Variants in PPIL6 observed in about 807,000 individuals in gnomAD.
PPIL6 encodes the protein peptidylprolyl isomerase like 6.
In PPIL6, 39 loss-of-function variants were observed where a neutral mutation model predicts 36.8. The ratio of observed to expected loss-of-function variants is 1.06; its 90% CI spans 0.82 to 1.38. PPIL6 has a LOEUF of 1.38. Among genes scored for constraint, PPIL6 ranks in the 40% most tolerant of loss-of-function variants. PPIL6 has a pLI of 0.00. For missense variants in PPIL6, 368 were observed against 379.1 expected (o/e 0.97, Z 0.24); for synonymous variants, 123 against 134.1 (o/e 0.92, Z 0.57).
At chr6:109,435,383 C>T (rs552531267) in intron 2 of PPIL6, among the ~76,000 whole-genome samples, 163 of 151,372 alleles carry the variant, frequency 1.1e-3, no homozygotes, top group Non-Finnish European at 2.1e-3. Context: ...CTGCAACCTC[C>T]GACTTCTTGG....
chr6:109,402,461 A>G (rs192938498), intron 6 of PPIL6, among the ~76,000 whole-genome samples: 151 of 152,172 alleles, frequency 9.9e-4, no homozygotes, highest in Middle Eastern at 6.8e-3. Flanking sequence ...GCTTGAACCC[A>G]GGAGGCGGAG....
chr6:109,411,910 A>G (rs1684139392), intron 6 of PPIL6, among the ~76,000 whole-genome samples: 1 of 152,176 alleles, frequency 6.6e-6, no homozygotes, highest in Non-Finnish European at 1.5e-5. Flanking sequence ...AGCCCTCTTA[A>G]TATTAAGGAG....
At chr6:109,440,185 T>C in intron 1 of PPIL6, 2 of 544,170 alleles carry the variant, frequency 3.7e-6, no homozygotes, top group South Asian at 1.5e-5. Flanking sequence ...GATTACCTTA[T>C]CTCCCAGCGC....
intron 6 of PPIL6, among the ~76,000 whole-genome samples, chr6:109,417,935 G>A (rs894644578): frequency 2.6e-5 from 4 of 152,002 alleles, no homozygotes; most frequent in Non-Finnish European, 5.9e-5. Context: ...GTTTCCTATG[G>A]CACATATATG....
At chr6:109,397,277 A>T (rs1772339117) in intron 7 of PPIL6, among the ~76,000 whole-genome samples, 1 of 151,676 alleles carries the variant, frequency 6.6e-6, no homozygotes, top group Non-Finnish European at 1.5e-5. Context: ...AAAATTAGAG[A>T]TTTCTCCAAG....
chr6:109,406,387 A>G (rs1772800185), intron 6 of PPIL6, among the ~76,000 whole-genome samples: 1 of 152,084 alleles, frequency 6.6e-6, no homozygotes, highest in African/African-American at 2.4e-5. Context: ...CATATGTCGC[A>G]ATACAACAGA....
intron 1 of PPIL6, 36 bp downstream of exon 1, chr6:109,440,420 G>A: frequency 1.3e-6 from 2 of 1,533,964 alleles, no homozygotes; most frequent in Non-Finnish European, 8.8e-7. Context: ...GGGTAGCGGG[G>A]AGGGCCGCCC....
intron 6 of PPIL6, among the ~76,000 whole-genome samples, chr6:109,402,392 T>A (rs1582532425): frequency 6.6e-6 from 1 of 152,174 alleles, no homozygotes; most frequent in South Asian, 2.1e-4. Flanking sequence ...AAAAATTAGC[T>A]GGGTGTGGTG....
chr6:109,425,555 C>T (rs939330782), intron 5 of PPIL6, among the ~76,000 whole-genome samples: 1 of 152,050 alleles, frequency 6.6e-6, no homozygotes, highest in Admixed American at 6.6e-5. Flanking sequence ...TCAAGGCCAG[C>T]CTGGCCAACA....
intron 5 of PPIL6, among the ~76,000 whole-genome samples, chr6:109,420,618 C>T (rs900488751): frequency 5.9e-5 from 9 of 152,148 alleles, no homozygotes; most frequent in East Asian, 1.9e-4. Flanking sequence ...GTGAAAAGAG[C>T]GGGCTCTGAG....
At chr6:109,441,171 G>A (rs779974923), upstream of PPIL6, 8 of 1,613,974 alleles carry the variant, frequency 5.0e-6, no homozygotes, top group South Asian at 8.8e-5. Flanking sequence ...CTCAACTGCT[G>A]GTGAGTGCGT....
chr6:109,437,080 T>C (rs1479017046), intron 1 of PPIL6, among the ~76,000 whole-genome samples: 1 of 152,266 alleles, frequency 6.6e-6, no homozygotes, highest in Non-Finnish European at 1.5e-5. Flanking sequence ...AGATACGGAA[T>C]ATGTTCTAGT....
intron 1 of PPIL6, among the ~76,000 whole-genome samples, chr6:109,439,926 G>T (rs1774707004): frequency 6.6e-6 from 1 of 152,122 alleles, no homozygotes; most frequent in African/African-American, 2.4e-5. Flanking sequence ...TGTTTACAAA[G>T]AAATGATTTT....
At position 109,400,100 on chromosome 6, in the gene PPIL6, G is replaced by C; in HGVS notation, c.759C>G (p.Asn253Lys). ...GCAGTGTGATATAGAATTGTGACCC[G>C]TTGCTGTGACGGCCTTTGTTGGCCA... ...LGMANKGRHS[N>K]GSQFYITLQA... The change falls in exon 7 of 8, where the codon AAC becomes AAG. Residue 253 changes from asparagine (N) to lysine (K), a missense_variant. Transcript: ENST00000521072. The C allele has an allele frequency of 6.2e-7, 1 of 1,613,646 alleles. No individual in the cohort carries two copies. The highest frequency in any genetic ancestry group is 8.5e-7 in the Non-Finnish European group (1 of 1,179,704).
intron 6 of PPIL6, among the ~76,000 whole-genome samples, chr6:109,412,009 A>C (rs546983892): frequency 6.6e-6 from 1 of 152,098 alleles, no homozygotes; most frequent in African/African-American, 2.4e-5. Context: ...AGAGGTGGGG[A>C]TCAGATTGAG....
chr6:109,416,251 G>A (rs1201878846), intron 6 of PPIL6, among the ~76,000 whole-genome samples: 1 of 141,228 alleles, frequency 7.1e-6, no homozygotes, highest in Non-Finnish European at 1.5e-5. Context: ...CTCCTAGGCT[G>A]GAGTGCAGTG....
chr6:109,429,976 C>T (rs1301377185), intron 3 of PPIL6, among the ~76,000 whole-genome samples: 1 of 152,216 alleles, frequency 6.6e-6, no homozygotes, highest in Non-Finnish European at 1.5e-5. Context: ...CCCTGCCATT[C>T]CCAGGGCATG....
intron 6 of PPIL6, among the ~76,000 whole-genome samples, chr6:109,401,870 C>T (rs1195475944): frequency 6.6e-6 from 1 of 151,934 alleles, no homozygotes; most frequent in Non-Finnish European, 1.5e-5. Context: ...ACTACAAGCG[C>T]CCACCACCAC....
intron 7 of PPIL6, among the ~76,000 whole-genome samples, chr6:109,398,080 T>C (rs746046049): frequency 6.6e-6 from 1 of 152,054 alleles, no homozygotes; most frequent in Non-Finnish European, 1.5e-5. Flanking sequence ...TTAGGAGAGA[T>C]GGGGTTTCAC....
Sources: allele counts gnomAD v4.1 joint callset (sites outside exome capture counted in the v4.1 genomes callset), GRCh38; gene constraint gnomAD v4.1.1; transcripts MANE v1.5; gene names NCBI Gene and HGNC (gene_info 2026-07-23, HGNC 2026-07-21).